HDLBP: variants seen among roughly 807,000 people sequenced by gnomAD.
HDLBP encodes high density lipoprotein binding protein, also known as vigilin.
In HDLBP, 30 loss-of-function variants were observed where a neutral mutation model predicts 137.3. The ratio of observed to expected loss-of-function variants is 0.22; its 90% CI spans 0.16 to 0.30. The LOEUF (loss-of-function observed/expected upper bound fraction) is 0.30, where lower values mean the gene tolerates loss of function less well. Among genes scored for constraint, HDLBP ranks in the 10% least tolerant of loss-of-function variants. The probability of loss-of-function intolerance (pLI) is 1.00; values close to 1 mark genes in which losing one functional copy is unlikely to be tolerated. For missense variants in HDLBP, 1,119 were observed against 1,667.3 expected (o/e 0.67, Z 5.73); for synonymous variants, 606 against 596.0 (o/e 1.02, Z -0.24).
In HDLBP at chr2:241,293,568, C is replaced by T. The variant is rs553500342; in HGVS notation, c.-103+22002G>A. On this transcript the variant is annotated intron_variant, in intron 1 of 27. Transcript: ENST00000310931. The stretch of plus-strand genomic sequence containing the variant: ...TTGAGCCTGCAGTGAGCCATGATTG[C>T]ACCACTGAACTCCAGCCTGGGTGAC... Among the ~76,000 whole-genome samples the T allele has an allele frequency of 1.5e-4, 23 of 150,366 alleles. No individual in the cohort carries two copies. The East Asian group carries it at 4.5e-3, about 29-fold the overall frequency.
chr2:241,232,298 CAG>C (rs1392896624), intron 24 of HDLBP, among the ~76,000 whole-genome samples: 2 of 145,656 alleles, frequency 1.4e-5, no homozygotes, highest in African/African-American at 2.5e-5. Flanking sequence ...TTTTTAAAGA[CAG>C]AGTCTCACTC....
At chr2:241,244,788 A>C (rs969663850) in intron 16 of HDLBP, among the ~76,000 whole-genome samples, 7 of 152,250 alleles carry the variant, frequency 4.6e-5, no homozygotes, top group African/African-American at 7.2e-5. Context: ...ATATTATTTA[A>C]ATCTCTTTAA....
At chr2:241,275,694 GAA>G (rs1175495870) in intron 1 of HDLBP, among the ~76,000 whole-genome samples, 1 of 152,132 alleles carries the variant, frequency 6.6e-6, no homozygotes, top group Admixed American at 6.5e-5. Flanking sequence ...CAACTAGAGA[GAA>G]AAGACAGGTT....
At chr2:241,244,693 A>C (rs2071528625) in intron 16 of HDLBP, among the ~76,000 whole-genome samples, 1 of 152,270 alleles carries the variant, frequency 6.6e-6, no homozygotes. Context: ...TCCTTCAGAC[A>C]GAAGGAAAAT....
At chr2:241,262,600 G>A (rs1264722524) in intron 5 of HDLBP, 111 bp downstream of exon 5, 21 of 756,090 alleles carry the variant, frequency 2.8e-5, no homozygotes, top group South Asian at 1.0e-4. Flanking sequence ...TCCAAAAGAC[G>A]GAACTGTCCC....
chr2:241,268,617 G>C (rs1001216352), intron 1 of HDLBP, 76 bp from the exon 2 acceptor site: 1 of 473,652 alleles, frequency 2.1e-6, no homozygotes, highest in Non-Finnish European at 2.8e-6. Flanking sequence ...TTACAACTCA[G>C]ATCTTTTTAC....
chr2:241,254,674 C>T lies in HDLBP; in HGVS notation c.1188+377G>A, dbSNP rs184919237. 4.5e-3 allele frequency among the ~76,000 whole-genome samples: 681 copies of T among 152,040 alleles called. 5 individuals carry two copies. The highest frequency in any genetic ancestry group is 0.016 in the African/African-American group (653 of 41,448). ...TAATTTTTTGTATTTTTAGTAGAGTCGGGGTTTCACCATGTTAGCCAGGAT... is the reference window on the plus strand; with the variant it reads ...TAATTTTTTGTATTTTTAGTAGAGTTGGGGTTTCACCATGTTAGCCAGGAT... On this transcript the variant is annotated intron_variant, in intron 9 of 27. Transcript: ENST00000310931.
rs1207868119 is a variant in HDLBP at position 241,238,589 on chromosome 2, C to T, written c.2749+60G>A. On this transcript the variant is annotated intron_variant, in intron 20 of 27. Transcript: ENST00000310931. This position sits in a 1 kb window ranked among gnomAD's most constrained non-coding sequence, Gnocchi z 4.9. Reference sequence around the variant, plus strand: ...GCCTCACCAGTATGTGCGACAGCCCCGCCTCTCACATGGGAGGCGCCACTA... The same window carrying T: ...GCCTCACCAGTATGTGCGACAGCCCTGCCTCTCACATGGGAGGCGCCACTA... The T allele has an allele frequency of 1.8e-5, 24 of 1,346,562 alleles. No individual in the cohort carries two copies. The highest frequency in any genetic ancestry group is 2.0e-4 in the Middle Eastern group (1 of 5,040). 83.4% of individuals were successfully genotyped at this position (1,346,562 alleles called of 1,614,324 possible). A position where few individuals can be genotyped will look rare whatever the true frequency, so the allele number is the denominator to read the frequency against.
rs970109120 is a variant in HDLBP, at chr2:241,276,881, T to C, written c.-102-8340A>G. Reference sequence around the variant, plus strand: ...TCTCTTGGTAACACAGGTTATGGGATTGGAAAATGTATAGAGGATGCAAAC... The same window carrying C: ...TCTCTTGGTAACACAGGTTATGGGACTGGAAAATGTATAGAGGATGCAAAC... On this transcript the variant is annotated intron_variant, in intron 1 of 27. Transcript: ENST00000310931. 2.0e-5 allele frequency among the ~76,000 whole-genome samples: 3 copies of C among 151,962 alleles called. No homozygotes were observed. In the East Asian group the frequency reaches 5.8e-4, roughly 29 times the overall value.
chr2:241,278,659 G>A (rs1287782564), intron 1 of HDLBP, among the ~76,000 whole-genome samples: 1 of 151,980 alleles, frequency 6.6e-6, no homozygotes, highest in Non-Finnish European at 1.5e-5. Context: ...ATAAGCCAGG[G>A]CAGTATGGCA....
At position 241,230,677 on chromosome 2, in the gene HDLBP, C is replaced by CCA; in HGVS notation, c.3474+80_3474+81dup. The CCA allele has an allele frequency of 8.3e-7, 1 of 1,206,944 alleles. No homozygotes were observed. Among genetic ancestry groups the CCA allele is most frequent in the Non-Finnish European group, 1.2e-6 (1 of 837,416 alleles). The allele number at this position is 1,206,944 out of a possible 1,614,324, so 74.8% of individuals were successfully genotyped here. On this transcript the variant is annotated intron_variant, in intron 25 of 27. Transcript: ENST00000310931. The surrounding 1 kb of genome is among the most constrained non-coding windows in gnomAD (Gnocchi z 5.0). ...TGGCCTCATCATCTTGAGGGGAAGGCCATGCCCTGCTCTTTCTTCTGGCCA... is the reference window on the plus strand; with the variant it reads ...TGGCCTCATCATCTTGAGGGGAAGGCCACATGCCCTGCTCTTTCTTCTGGCCA...
At chr2:241,258,124 C>T (rs1167395994) in intron 5 of HDLBP, among the ~76,000 whole-genome samples, 5 of 151,766 alleles carry the variant, frequency 3.3e-5, no homozygotes, top group South Asian at 2.1e-4. Flanking sequence ...CAAGGCCAGG[C>T]GCAGTGGCTC....
At chr2:241,305,951 G>A (rs1032904499) in intron 1 of HDLBP, among the ~76,000 whole-genome samples, 5 of 151,840 alleles carry the variant, frequency 3.3e-5, no homozygotes, top group Admixed American at 6.6e-5. Flanking sequence ...TAGTAGAGAC[G>A]GGGTCTCACC....
Position 241,230,485 on chromosome 2 carries a change from T to C in HDLBP, c.3475-216A>G, listed in dbSNP as rs2069609600. ...GCAGACAGAGGGCCGCAGCACGTACTGTGCGCTCTTGCATGAAATTCCCAC... is the reference window on the plus strand; with the variant it reads ...GCAGACAGAGGGCCGCAGCACGTACCGTGCGCTCTTGCATGAAATTCCCAC... On this transcript the variant is annotated intron_variant, in intron 25 of 27. Transcript: ENST00000310931. This position sits in a 1 kb window ranked among gnomAD's most constrained non-coding sequence, Gnocchi z 5.0. 6.6e-6 allele frequency among the ~76,000 whole-genome samples: 1 copy of C among 152,256 alleles called. No homozygotes were observed. Among genetic ancestry groups the C allele is most frequent in the South Asian group, 2.1e-4 (1 of 4,832 alleles).
intron 21 of HDLBP, 119 bp downstream of exon 21, chr2:241,236,496 G>T: frequency 1.0e-6 from 1 of 1,003,254 alleles, no homozygotes. Context: ...GAGCAAGAGG[G>T]CTACCTCCAC....
rs1293337045 is a variant in HDLBP at position 241,230,058 on chromosome 2, A to G, written c.3591+95T>C. On this transcript the variant is annotated intron_variant, in intron 26 of 27. Coordinates refer to ENST00000310931, the MANE Select transcript of HDLBP (RefSeq NM_005336.6). This position sits in a 1 kb window ranked among gnomAD's most constrained non-coding sequence, Gnocchi z 5.0. The stretch of plus-strand genomic sequence containing the variant: ...CTGCACCTCGCCTGCCTCTGGAAAC[A>G]CAAGTGCCACCTTGTCCCCTGAAGC... 6.3e-7 allele frequency: 1 copy of G among 1,583,238 alleles called. No individual in the cohort carries two copies. The highest frequency in any genetic ancestry group is 2.2e-5 in the East Asian group (1 of 44,468).
chr2:241,273,662 A>C, intron 1 of HDLBP: 2 of 985,334 alleles, frequency 2.0e-6, no homozygotes, highest in South Asian at 9.4e-5. Context: ...AGAATCCTGC[A>C]TAGGGCACAG....
intron 1 of HDLBP, among the ~76,000 whole-genome samples, chr2:241,282,115 A>T (rs1484931586): frequency 6.6e-6 from 1 of 152,256 alleles, no homozygotes; most frequent in East Asian, 1.9e-4. Context: ...AACATGGCAC[A>T]CGTGGCAGGC....
intron 1 of HDLBP, among the ~76,000 whole-genome samples, chr2:241,277,876 G>A (rs1405591987): frequency 1.3e-5 from 2 of 152,058 alleles, no homozygotes; most frequent in African/African-American, 4.8e-5. Flanking sequence ...CAGGAGAATC[G>A]CTTGTACCTG....
Sources: gnomAD v4.1 joint callset for allele counts (sites outside exome capture counted in the v4.1 genomes callset) on GRCh38, gnomAD v4.1.1 for gene constraint, Gnocchi (gnomAD v3.1) non-coding constraint, MANE v1.5 for transcripts, NCBI Gene and HGNC (gene_info 2026-07-23, HGNC 2026-07-21) for gene names.